ODAD2: variants seen among roughly 807,000 people sequenced by gnomAD.
ODAD2 encodes the protein outer dynein arm-docking complex subunit 2.
Under a neutral mutation model 106.8 loss-of-function variants are expected in ODAD2, and 89 were observed. The observed-to-expected ratio is 0.83, with a 90% CI of 0.70 to 0.99. The LOEUF (loss-of-function observed/expected upper bound fraction) is 0.99. ODAD2 is among the 50% of genes least tolerant of loss of function. The pLI, the probability that ODAD2 is intolerant of heterozygous loss-of-function variation, is 0.00. For missense variants in ODAD2, 1,168 were observed against 1,238.5 expected (o/e 0.94, Z 0.85); for synonymous variants, 404 against 436.2 (o/e 0.93, Z 0.92).
At chr10:27,858,411 T>C (rs752697932) in intron 19 of ODAD2, among the ~76,000 whole-genome samples, 1 of 152,170 alleles carries the variant, frequency 6.6e-6, no homozygotes, top group Non-Finnish European at 1.5e-5. Context: ...TACAAAAAAG[T>C]ACCCTGTTCT....
At chr10:27,823,094 T>G (rs1049376348) in intron 19 of ODAD2, among the ~76,000 whole-genome samples, 27 of 152,184 alleles carry the variant, frequency 1.8e-4, no homozygotes, top group African/African-American at 6.5e-4. Flanking sequence ...TGTGGGACAT[T>G]GCTCAGCACC....
chr10:27,890,856 G>A (rs7358162), intron 17 of ODAD2, among the ~76,000 whole-genome samples: 1 of 151,840 alleles, frequency 6.6e-6, no homozygotes, highest in African/African-American at 2.4e-5. Context: ...TGCATACTTA[G>A]AACTATTTGG....
intron 17 of ODAD2, among the ~76,000 whole-genome samples, chr10:27,871,276 T>C (rs193170263): frequency 1.3e-5 from 2 of 152,356 alleles, no homozygotes; most frequent in East Asian, 1.9e-4. Context: ...GATGAGTAGA[T>C]TGCAAAAATT....
chr10:27,962,762 G>A (rs1335855067), intron 9 of ODAD2, among the ~76,000 whole-genome samples: 22 of 152,112 alleles, frequency 1.4e-4, no homozygotes, highest in Admixed American at 3.9e-4. Flanking sequence ...ACACCAGCTT[G>A]TCTCCGCCTC....
chr10:27,852,677 G>A (rs530585714), intron 19 of ODAD2, among the ~76,000 whole-genome samples: 3 of 152,242 alleles, frequency 2.0e-5, no homozygotes, highest in African/African-American at 7.2e-5. Flanking sequence ...AAAGCTAACC[G>A]TGGCCGGGCA....
At chr10:27,931,567 C>T (rs1017476444) in intron 16 of ODAD2, among the ~76,000 whole-genome samples, 9 of 151,218 alleles carry the variant, frequency 6.0e-5, no homozygotes, top group African/African-American at 1.9e-4. Context: ...TGTTTCAAAA[C>T]TTGATAGGTT....
At chr10:27,983,457 C>T (rs775516338) in intron 6 of ODAD2, among the ~76,000 whole-genome samples, 5 of 152,234 alleles carry the variant, frequency 3.3e-5, no homozygotes, top group Non-Finnish European at 5.9e-5. Flanking sequence ...AAGCCCCTCT[C>T]TTTCCCTTTG....
chr10:27,899,443 C>T (rs1294018342), intron 17 of ODAD2, among the ~76,000 whole-genome samples: 2 of 152,060 alleles, frequency 1.3e-5, no homozygotes, highest in African/African-American at 4.8e-5. Flanking sequence ...CCCAGTGGTG[C>T]CCGGAATGCC....
chr10:27,937,896 G>A (rs10826368), intron 14 of ODAD2, among the ~76,000 whole-genome samples: 23,742 of 152,142 alleles, frequency 0.16, 2,341 homozygotes, highest in East Asian at 0.27. Context: ...GGCTATATAC[G>A]ATTGTTATGG....
At chr10:27,899,179 G>A (rs1041121811) in intron 17 of ODAD2, among the ~76,000 whole-genome samples, 13 of 151,762 alleles carry the variant, frequency 8.6e-5, no homozygotes, top group African/African-American at 3.1e-4. Context: ...GCAGACTGGG[G>A]CGTCACCTCA....
At chr10:27,867,359 T>C (rs553832539) in intron 17 of ODAD2, among the ~76,000 whole-genome samples, 1 of 152,268 alleles carries the variant, frequency 6.6e-6, no homozygotes, top group Admixed American at 6.5e-5. Context: ...GCTGGGGTGT[T>C]CTGTTAGGCC....
At chr10:27,928,706 G>C (rs1845419269) in intron 16 of ODAD2, among the ~76,000 whole-genome samples, 1 of 151,960 alleles carries the variant, frequency 6.6e-6, no homozygotes. Flanking sequence ...TTATACAGAT[G>C]AATATACATA....
rs1453057640 is a variant in ODAD2 at position 27,887,166 on chromosome 10, A to C, written c.2610+20497T>G. ...ACATAGGTTGAAAGTCAAACGTTGA[A>C]ATAGGACATTCCATGCAAATAGTAA... On this transcript the variant is annotated intron_variant, in intron 17 of 19. Transcript: ENST00000305242. Among the ~76,000 whole-genome samples, 3 of 152,168 alleles carry C rather than the reference A, an allele frequency of 2.0e-5. No homozygotes were observed. The East Asian group carries it at 5.8e-4, about 29-fold the overall frequency.
intron 10 of ODAD2, chr10:27,959,114 A>G: frequency 1.3e-6 from 1 of 788,748 alleles, no homozygotes; most frequent in Non-Finnish European, 1.7e-6. Context: ...ATGTAGGAAG[A>G]CTGCTTGAGG....
chr10:27,821,780 A>G (rs1213098397), intron 19 of ODAD2, among the ~76,000 whole-genome samples: 1 of 152,196 alleles, frequency 6.6e-6, no homozygotes, highest in East Asian at 1.9e-4. Context: ...TTTTTTATCT[A>G]TAGACTTTCT....
At chr10:27,851,738 G>A (rs1839281077) in intron 19 of ODAD2, among the ~76,000 whole-genome samples, 1 of 152,120 alleles carries the variant, frequency 6.6e-6, no homozygotes, top group African/African-American at 2.4e-5. Flanking sequence ...ACAGTAAAAA[G>A]AGAACAGGAT....
Position 27,944,426 on chromosome 10 carries a change from A to G in ODAD2, c.1539T>C (p.Gly513=). The G allele has an allele frequency of 6.2e-7, 1 of 1,612,992 alleles. No individual in the cohort carries two copies. Among genetic ancestry groups the G allele is most frequent in the Non-Finnish European group, 8.5e-7 (1 of 1,179,076 alleles). ...TGATTTCCTTCAGTATTTTTAATGA[A>G]CCAATCTGTGTGAGAAAAAAAAAGA... is the stretch of plus-strand genomic sequence containing the variant. ...LETDEVKCKI[G]SLKILKEISH... is the part of the protein sequence containing the mutation. The change falls in exon 12 of 20, where the codon GGT becomes GGC. Residue 513 remains glycine (G), a synonymous_variant. Coordinates refer to ENST00000305242, the MANE Select transcript of ODAD2 (RefSeq NM_018076.5).
rs185362176 is a variant in ODAD2 at position 27,919,979 on chromosome 10, T to C, written c.2496-12202A>G. On this transcript the variant is annotated intron_variant, in intron 16 of 19. Coordinates refer to ENST00000305242, the MANE Select transcript of ODAD2 (RefSeq NM_018076.5). Reference sequence around the variant, plus strand: ...ACAAAATGTCAGATAAAACACTCTATGCTTTCATTCAGATACACTCCAAAC... The same window carrying C: ...ACAAAATGTCAGATAAAACACTCTACGCTTTCATTCAGATACACTCCAAAC... Among the ~76,000 whole-genome samples the C allele has an allele frequency of 2.1e-3, 321 of 152,270 alleles. 3 individuals are homozygous for C. Among genetic ancestry groups the C allele is most frequent in the Non-Finnish European group, 4.0e-4 (27 of 68,006 alleles).
intron 2 of ODAD2, among the ~76,000 whole-genome samples, chr10:27,993,142 T>G (rs1564585651): frequency 6.6e-6 from 1 of 152,046 alleles, no homozygotes; most frequent in Non-Finnish European, 1.5e-5. Context: ...CTTGAACTCC[T>G]GATCTCTGGT....
Sources: allele counts gnomAD v4.1 joint callset (sites outside exome capture counted in the v4.1 genomes callset), GRCh38; gene constraint gnomAD v4.1.1; transcripts MANE v1.5; gene names NCBI Gene and HGNC (gene_info 2026-07-23, HGNC 2026-07-21).